The following DGKI variants were observed in gnomAD, a reference collection of about 807,000 sequenced individuals.
DGKI encodes the protein diacylglycerol kinase iota, also known as DAG kinase iota.
A neutral mutation model predicts 147.5 loss-of-function variants in DGKI; 55 were observed. The observed-to-expected ratio is 0.37, with a 90% confidence interval of 0.30 to 0.47. The LOEUF is 0.47. DGKI is among the 20% of genes least tolerant of loss of function. The pLI is 1.00. For missense variants in DGKI, 1,007 were observed against 1,323.8 expected (o/e 0.76, Z 3.71); for synonymous variants, 469 against 477.1 (o/e 0.98, Z 0.22).
intron 30 of DGKI, among the ~76,000 whole-genome samples, chr7:137,399,918 A>C (rs1272315796): frequency 6.6e-6 from 1 of 152,050 alleles, no homozygotes; most frequent in African/African-American, 2.4e-5. Context: ...TCTCAAAAAA[A>C]AAAAAAAGAA....
intron 15 of DGKI, among the ~76,000 whole-genome samples, chr7:137,581,445 T>C (rs540840550): frequency 2.0e-5 from 3 of 152,274 alleles, no homozygotes; most frequent in East Asian, 1.9e-4. Context: ...TGTGGTTGTG[T>C]AGTATTGCAC....
intron 1 of DGKI, among the ~76,000 whole-genome samples, chr7:137,795,703 C>A (rs888901053): frequency 6.6e-6 from 1 of 152,176 alleles, no homozygotes; most frequent in Non-Finnish European, 1.5e-5. Context: ...TCTGAGAAGA[C>A]CCCAATCTCT....
chr7:137,445,242 G>A (rs1441962241), intron 27 of DGKI, among the ~76,000 whole-genome samples: 1 of 152,196 alleles, frequency 6.6e-6, no homozygotes, highest in African/African-American at 2.4e-5. Context: ...TGAGTGAACA[G>A]TAAAGAATAA....
intron 6 of DGKI, among the ~76,000 whole-genome samples, chr7:137,638,640 A>G (rs13307984): frequency 0.96 from 38,697 of 40,246 alleles, 18,930 homozygotes; most frequent in Middle Eastern, 0.98. Flanking sequence ...GTGTGTATAT[A>G]TGTGTATGTA....
At chr7:137,708,322 T>C (rs1794105281) in intron 1 of DGKI, among the ~76,000 whole-genome samples, 1 of 152,212 alleles carries the variant, frequency 6.6e-6, no homozygotes, top group Non-Finnish European at 1.5e-5. Context: ...TTTATTAACA[T>C]TGTACTCCAA....
chr7:137,405,248 A>AT (rs34385874), intron 30 of DGKI, among the ~76,000 whole-genome samples: 77,508 of 151,098 alleles, frequency 0.51, 21,171 homozygotes, highest in Non-Finnish European at 0.6. Flanking sequence ...TATTGTTATC[A>AT]TTTTTTTTTC....
intron 23 of DGKI, among the ~76,000 whole-genome samples, chr7:137,471,990 A>G (rs1814919295): frequency 7.2e-6 from 1 of 139,270 alleles, no homozygotes; most frequent in East Asian, 2.1e-4. Context: ...TATACATTAT[A>G]TTATATATGT....
rs1798759709 is a variant in DGKI, at chr7:137,846,851, C to G, written c.12G>C (p.Ala4=). Residue 4 remains alanine (A), a synonymous_variant, in exon 1 of 33, where the codon GCG becomes GCC. Transcript: ENST00000614521. The surrounding 1 kb of genome is among the most constrained non-coding windows in gnomAD (Gnocchi z 4.0). MDA[A]GRGCHLLPLP... is the part of the protein sequence containing the mutation. ...GGGGCAGCAAATGGCAGCCCCTTCC[C>G]GCAGCATCCATCCGCGGCTGCACCG... The G allele has an allele frequency of 1.1e-5, 13 of 1,155,280 alleles. No individual in the cohort carries two copies. The highest frequency in any genetic ancestry group is 4.7e-5 in the Admixed American group (1 of 21,120). The allele number at this position is 1,155,280 out of a possible 1,614,324, so 71.6% of individuals were successfully genotyped here. A position where few individuals can be genotyped will look rare whatever the true frequency, so the allele number is the denominator to read the frequency against.
At chr7:137,786,092 A>G (rs1796661210) in intron 1 of DGKI, among the ~76,000 whole-genome samples, 1 of 152,188 alleles carries the variant, frequency 6.6e-6, no homozygotes, top group African/African-American at 2.4e-5. Flanking sequence ...CACCACTTGT[A>G]TTAAACACAG....
chr7:137,520,276 C>A (rs952686927), intron 21 of DGKI, among the ~76,000 whole-genome samples: 1 of 152,036 alleles, frequency 6.6e-6, no homozygotes, highest in Non-Finnish European at 1.5e-5. Flanking sequence ...CTGTTATCTT[C>A]TTTTAAGAAC....
chr7:137,618,151 A>ATATTTT, intron 8 of DGKI, among the ~76,000 whole-genome samples: 111 of 10,486 alleles, frequency 0.011, 1 homozygote, highest in African/African-American at 0.012. Flanking sequence ...ATATATATAT[A>ATATTTT]TTTTTTTTTT....
At position 137,397,372 on chromosome 7, in the gene DGKI, C is replaced by A; in HGVS notation, c.2957+5G>T. The A allele has an allele frequency of 6.2e-7, 1 of 1,613,104 alleles. No homozygotes were observed. Among genetic ancestry groups the A allele is most frequent in the Non-Finnish European group, 8.5e-7 (1 of 1,179,614 alleles). On this transcript the variant is annotated splice_donor_5th_base_variant and intron_variant, in intron 31 of 32. Coordinates refer to ENST00000614521, the MANE Select transcript of DGKI (RefSeq NM_001321708.2). ...CTAGACTATGTAATAAAAGGCAACA[C>A]TCACGTTTCACTGTCTGCCATATCC...
At position 137,395,598 on chromosome 7, in the gene DGKI, C is replaced by T; in HGVS notation, c.3057G>A (p.Lys1019=). Residue 1019 remains lysine, a splice_region_variant and synonymous_variant, in exon 32 of 33, where the codon AAG becomes AAA. Transcript: ENST00000614521. ...TGTTTGCACTCACTCATCGAGTTAC[C>T]TTGGAGTCCGTCTTTCTCAGAGATG... ...AGASLRKTDS[K]GKTPQERAQQ... 1 of 1,614,012 alleles carries T rather than the reference C, an allele frequency of 6.2e-7. No individual in the cohort carries two copies. Among genetic ancestry groups the T allele is most frequent in the Non-Finnish European group, 8.5e-7 (1 of 1,179,852 alleles).
intron 22 of DGKI, among the ~76,000 whole-genome samples, chr7:137,486,041 T>C (rs1815544995): frequency 6.6e-6 from 1 of 152,144 alleles, no homozygotes; most frequent in Non-Finnish European, 1.5e-5. Flanking sequence ...GTCACCATTG[T>C]CATGCCTCCT....
rs139059093 is a variant in DGKI, at chr7:137,754,147, G to T, written c.402-64145C>A. Among the ~76,000 whole-genome samples, 11 of 152,250 alleles carry T rather than the reference G, an allele frequency of 7.2e-5. No individual in the cohort carries two copies. In the South Asian group the frequency reaches 2.3e-3, roughly 32 times the overall value. On this transcript the variant is annotated intron_variant, in intron 1 of 32. Coordinates refer to ENST00000614521, the MANE Select transcript of DGKI (RefSeq NM_001321708.2). ...GGGGCAGGTGCACTGCTGCTGCCAG[G>T]AATAGCCTCCCTGCTGGTTCAAAGG...
chr7:137,568,412 G>T (rs983598836), intron 19 of DGKI, among the ~76,000 whole-genome samples: 1 of 152,190 alleles, frequency 6.6e-6, no homozygotes, highest in Non-Finnish European at 1.5e-5. Flanking sequence ...TGGAGTGATG[G>T]ATATTCACCA....
chr7:137,412,069 G>A lies in DGKI; in HGVS notation c.2799+101C>T. 5 of 1,146,574 alleles carry A rather than the reference G, an allele frequency of 4.4e-6. No homozygotes were observed. In the South Asian group the frequency reaches 6.3e-5, roughly 14 times the overall value. 71.0% of individuals were successfully genotyped at this position (1,146,574 alleles called of 1,614,324 possible). A position where few individuals can be genotyped will look rare whatever the true frequency, so the allele number is the denominator to read the frequency against. The stretch of plus-strand genomic sequence containing the variant: ...CTTCTACCCAGCCAGTGCAAGCAGG[G>A]GATGATAAATGATAGATGGGAACAT... On this transcript the variant is annotated intron_variant, in intron 29 of 32. Coordinates refer to ENST00000614521, the MANE Select transcript of DGKI (RefSeq NM_001321708.2).
At chr7:137,503,760 A>G (rs936851114) in intron 21 of DGKI, among the ~76,000 whole-genome samples, 2 of 152,080 alleles carry the variant, frequency 1.3e-5, no homozygotes, top group African/African-American at 4.8e-5. Flanking sequence ...CAATGTACTG[A>G]GAAAGATCAT....
intron 28 of DGKI, among the ~76,000 whole-genome samples, chr7:137,429,506 G>C (rs1812972954): frequency 6.7e-6 from 1 of 149,794 alleles, no homozygotes. Flanking sequence ...AGGACTTCAT[G>C]TCTAAAACAC....
Sources: allele counts gnomAD v4.1 joint callset (sites outside exome capture counted in the v4.1 genomes callset), GRCh38; gene constraint gnomAD v4.1.1; non-coding constraint Gnocchi (gnomAD v3.1); transcripts MANE v1.5; gene names NCBI Gene and HGNC (gene_info 2026-07-23, HGNC 2026-07-21).